Variants in B3GALT1 observed in about 807,000 individuals in gnomAD.
B3GALT1 encodes the protein UDP-Gal:betaGlcNAc beta 1,3-galactosyltransferase, polypeptide 1.
A neutral mutation model predicts 23.2 loss-of-function variants in B3GALT1; 10 were observed. That is an observed-to-expected ratio of 0.43 (90% CI 0.27 to 0.73). The LOEUF is 0.73. Among genes scored for constraint, B3GALT1 ranks in the 30% least tolerant of loss-of-function variants. The probability of loss-of-function intolerance (pLI) is 0.21; values close to 1 mark genes in which losing one functional copy is unlikely to be tolerated. For missense variants in B3GALT1, 299 were observed against 405.4 expected (o/e 0.74, Z 2.25); for synonymous variants, 156 against 141.5 (o/e 1.10, Z -0.73).
At chr2:167,830,518 A>G (rs1689326739) in intron 4 of B3GALT1, among the ~76,000 whole-genome samples, 1 of 152,180 alleles carries the variant, frequency 6.6e-6, no homozygotes, top group Non-Finnish European at 1.5e-5. Flanking sequence ...AACTGTCAAT[A>G]TCAATATGGG....
At chr2:167,495,141 G>A (rs1426010304) in intron 2 of B3GALT1, among the ~76,000 whole-genome samples, 1 of 152,082 alleles carries the variant, frequency 6.6e-6, no homozygotes, top group Non-Finnish European at 1.5e-5. Flanking sequence ...TTATTTGGGA[G>A]GGCCTTCTAG....
At chr2:167,824,474 A>G (rs1487926844) in intron 4 of B3GALT1, among the ~76,000 whole-genome samples, 4 of 152,156 alleles carry the variant, frequency 2.6e-5, no homozygotes, top group Admixed American at 2.6e-4. Context: ...TATAAGAGAA[A>G]TTTCTGAAGT....
At chr2:167,503,017 T>C (rs1699868888) in intron 2 of B3GALT1, among the ~76,000 whole-genome samples, 1 of 152,048 alleles carries the variant, frequency 6.6e-6, no homozygotes, top group Non-Finnish European at 1.5e-5. Context: ...CCAGCCTGGG[T>C]GACAAGAGCA....
intron 3 of B3GALT1, among the ~76,000 whole-genome samples, chr2:167,741,463 A>G (rs1467356812): frequency 6.6e-6 from 1 of 152,184 alleles, no homozygotes. Context: ...TGGGGTGGAT[A>G]TAGCCAGAGT....
At chr2:167,734,258 A>G (rs911880619) in intron 3 of B3GALT1, among the ~76,000 whole-genome samples, 10 of 152,196 alleles carry the variant, frequency 6.6e-5, no homozygotes, top group African/African-American at 2.2e-4. Flanking sequence ...AAGTAAATGT[A>G]TATTGGTCTA....
At chr2:167,564,392 C>T (rs1684105888) in intron 2 of B3GALT1, among the ~76,000 whole-genome samples, 1 of 150,194 alleles carries the variant, frequency 6.7e-6, no homozygotes, top group South Asian at 2.1e-4. Context: ...GGCAGCCAGG[C>T]AGAGGGGCTC....
intron 3 of B3GALT1, among the ~76,000 whole-genome samples, chr2:167,748,583 G>A (rs1212588017): frequency 6.6e-6 from 1 of 152,148 alleles, no homozygotes; most frequent in Non-Finnish European, 1.5e-5. Flanking sequence ...CAAGGCAAAA[G>A]GAAGGTTCAA....
At chr2:167,334,894 C>T (rs574773904) in intron 1 of B3GALT1, among the ~76,000 whole-genome samples, 1 of 152,274 alleles carries the variant, frequency 6.6e-6, no homozygotes, top group South Asian at 2.1e-4. Context: ...GGACTGTTCT[C>T]TCAAGTTCCA....
intron 2 of B3GALT1, among the ~76,000 whole-genome samples, chr2:167,589,146 A>G (rs1375969859): frequency 6.6e-6 from 1 of 152,066 alleles, no homozygotes; most frequent in Non-Finnish European, 1.5e-5. Context: ...GGGTCTCCTT[A>G]TATTGCCCAG....
At chr2:167,355,712 TA>T (rs557468543) in intron 1 of B3GALT1, among the ~76,000 whole-genome samples, 1 of 152,182 alleles carries the variant, frequency 6.6e-6, no homozygotes, top group South Asian at 2.1e-4. Flanking sequence ...TTATGACTTT[TA>T]AAAAAATCCA....
At chr2:167,311,190 A>G (rs1339465077) in intron 1 of B3GALT1, among the ~76,000 whole-genome samples, 2 of 152,136 alleles carry the variant, frequency 1.3e-5, no homozygotes, top group Non-Finnish European at 2.9e-5. Flanking sequence ...GATATATGCT[A>G]TAGTTATACA....
chr2:167,323,283 G>A (rs968687169), intron 1 of B3GALT1, among the ~76,000 whole-genome samples: 11 of 151,986 alleles, frequency 7.2e-5, no homozygotes, highest in Non-Finnish European at 1.5e-4. Context: ...TTGGATATAC[G>A]AAAAATTCAT....
chr2:167,507,572 A>G (rs1699939846), intron 2 of B3GALT1, among the ~76,000 whole-genome samples: 1 of 151,278 alleles, frequency 6.6e-6, no homozygotes, highest in African/African-American at 2.4e-5. Context: ...GAATAGTTGG[A>G]ATGAAAATAA....
rs571951641 is a variant in B3GALT1 at position 167,352,257 on chromosome 2, A to G, written c.-511+58923A>G. Among the ~76,000 whole-genome samples, 370 of 120,386 alleles carry G rather than the reference A, an allele frequency of 3.1e-3. 7 individuals are homozygous for G. The highest frequency in any genetic ancestry group is 0.017 in the East Asian group (63 of 3,732). The allele number at this position is 120,386 out of a possible 152,430, so 79.0% of individuals were successfully genotyped here. On this transcript the variant is annotated intron_variant, in intron 1 of 4. Transcript: ENST00000392690. ...GCTGGAATTACAGGTGTGAGCCACC[A>G]TGCCTGGCCTGTTTTTTTTTTTGTT...
intron 3 of B3GALT1, among the ~76,000 whole-genome samples, chr2:167,668,790 C>T (rs1382617096): frequency 6.6e-6 from 1 of 152,232 alleles, no homozygotes; most frequent in African/African-American, 2.4e-5. Context: ...TGAGGCAATG[C>T]CTCGCCCTGC....
chr2:167,762,044 G>A (rs1045613370), intron 3 of B3GALT1, among the ~76,000 whole-genome samples: 29 of 152,196 alleles, frequency 1.9e-4, no homozygotes, highest in African/African-American at 6.8e-4. Context: ...ATCGGAGGGT[G>A]TAATTTCTCT....
At chr2:167,751,371 A>G (rs988887312) in intron 3 of B3GALT1, among the ~76,000 whole-genome samples, 4 of 152,214 alleles carry the variant, frequency 2.6e-5, no homozygotes, top group African/African-American at 9.6e-5. Flanking sequence ...GAAGAGGACC[A>G]GATGAGATTG....
At chr2:167,296,860 CTT>C (rs1559058389) in intron 1 of B3GALT1, among the ~76,000 whole-genome samples, 1 of 152,070 alleles carries the variant, frequency 6.6e-6, no homozygotes, top group African/African-American at 2.4e-5. Context: ...ATAGTGATAA[CTT>C]ATATAGAATA....
chr2:167,333,067 A>G (rs1036455228), intron 1 of B3GALT1, among the ~76,000 whole-genome samples: 1 of 152,210 alleles, frequency 6.6e-6, no homozygotes, highest in Admixed American at 6.5e-5. Context: ...AATGATGGCA[A>G]ATTGAACCAT....
Sources: gnomAD v4.1 joint callset for allele counts (sites outside exome capture counted in the v4.1 genomes callset) on GRCh38, gnomAD v4.1.1 for gene constraint, MANE v1.5 for transcripts, NCBI Gene and HGNC (gene_info 2026-07-23, HGNC 2026-07-21) for gene names.